Variants in B3GNT3 observed in about 807,000 individuals in gnomAD.
B3GNT3 encodes the protein UDP-GlcNAc:betaGal beta-1,3-N-acetylglucosaminyltransferase 3.
Under a neutral mutation model 11.6 loss-of-function variants are expected in B3GNT3, and 7 were observed. The observed-to-expected ratio is 0.60, with a 90% CI of 0.34 to 1.13. The LOEUF (loss-of-function observed/expected upper bound fraction) is 1.13, where lower values mean the gene tolerates loss of function less well. B3GNT3 is among the 50% of genes most tolerant of loss of function. The pLI, the probability that B3GNT3 is intolerant of heterozygous loss-of-function variation, is 0.03. For synonymous variants in B3GNT3, 201 were observed against 222.1 expected, an observed-to-expected ratio of 0.90 and a Z score of 0.85; for missense variants, 400 against 507.4, an observed-to-expected ratio of 0.79 and a Z score of 2.03.
Position 17,808,063 on chromosome 19 carries a change from T to C in B3GNT3, c.256T>C (p.Tyr86His), listed in dbSNP as rs752941316. The change falls in exon 2 of 3, where the codon TAC becomes CAC. Residue 86 changes from tyrosine to histidine, a missense_variant. Physicochemically the swap from Tyr to His is moderately conservative, Grantham distance 83. Transcript: ENST00000318683. ...GCAGCACGTTCAGAACTTCCTCCTG[T>C]ACAGACACTGCCGCCACTTTCCCCT... ...QPQHVQNFLL[Y>H]RHCRHFPLLQ... The C allele has an allele frequency of 3.7e-6, 6 of 1,612,132 alleles. No homozygotes were observed. In the Admixed American group the frequency reaches 5.0e-5, roughly 13 times the overall value.
chr19:17,811,432 C>A lies in B3GNT3; in HGVS notation c.568-139C>A. 1 of 842,788 alleles carries A rather than the reference C, an allele frequency of 1.2e-6. No individual in the cohort carries two copies. The highest frequency in any genetic ancestry group is 1.8e-6 in the Non-Finnish European group (1 of 559,566). The allele number at this position is 842,788 out of a possible 1,614,324, so 52.2% of individuals were successfully genotyped here. A position where few individuals can be genotyped will look rare whatever the true frequency, so the allele number is the denominator to read the frequency against. On this transcript the variant is annotated intron_variant, in intron 2 of 2. Transcript: ENST00000318683. This position sits in a 1 kb window ranked among gnomAD's most constrained non-coding sequence, Gnocchi z 4.1. ...GCACAGAGAGGGTTTCCCAAGTAAC[C>A]CCACAGGGCAGGGCCTTAACCCAGG...
Position 17,813,423 on chromosome 19 carries a change from C to T in B3GNT3, c.*1301C>T, listed in dbSNP as rs1018793666. Reference sequence around the variant, plus strand: ...ACCATGATTGCGCCACTGTACTCCACTGGGCGGCAATAAGAAGACAAAAAC... The same window carrying T: ...ACCATGATTGCGCCACTGTACTCCATTGGGCGGCAATAAGAAGACAAAAAC... On this transcript the variant is annotated 3_prime_UTR_variant, in exon 3 of 3. Transcript: ENST00000318683. Among the ~76,000 whole-genome samples the T allele has an allele frequency of 2.1e-4, 32 of 152,078 alleles. No homozygotes were observed. Among genetic ancestry groups the T allele is most frequent in the Non-Finnish European group, 4.0e-4 (27 of 68,032 alleles).
chr19:17,808,429 A>G, intron 2 of B3GNT3, 55 bp downstream of exon 2: 1 of 1,521,342 alleles, frequency 6.6e-7, no homozygotes, highest in Non-Finnish European at 8.9e-7. Context: ...TGTCCAAATT[A>G]CCACCCACTC....
rs962575026 is a variant in B3GNT3, at chr19:17,812,362, T to C, written c.*240T>C. Reference sequence around the variant, plus strand: ...ACTCCAGAAAATATCCATCTTCTTTTTGTGGCTGCTAATGGCAGAAGTGCC... The same window carrying C: ...ACTCCAGAAAATATCCATCTTCTTTCTGTGGCTGCTAATGGCAGAAGTGCC... On this transcript the variant is annotated 3_prime_UTR_variant, in exon 3 of 3. Coordinates refer to ENST00000318683, the MANE Select transcript of B3GNT3 (RefSeq NM_014256.4). 2 of 505,560 alleles carry C rather than the reference T, an allele frequency of 4.0e-6. No homozygotes were observed. Among genetic ancestry groups the C allele is most frequent in the Admixed American group, 3.7e-5 (1 of 27,002 alleles). 31.3% of individuals were successfully genotyped at this position (505,560 alleles called of 1,614,324 possible).
At chr19:17,809,595 T>C (rs2094178027) in intron 2 of B3GNT3, among the ~76,000 whole-genome samples, 1 of 151,750 alleles carries the variant, frequency 6.6e-6, no homozygotes, top group African/African-American at 2.4e-5. Context: ...TACAGGTGCA[T>C]GCCACTATGC....
In B3GNT3 at chr19:17,807,509, C is replaced by CAA. The variant is rs57567496; in HGVS notation, c.-50-238_-50-237dup. Among the ~76,000 whole-genome samples the CAA allele has an allele frequency of 5.7e-3, 725 of 126,344 alleles. 6 individuals are homozygous for CAA. Among genetic ancestry groups the CAA allele is most frequent in the African/African-American group, 0.02 (695 of 34,032 alleles). The allele number at this position is 126,344 out of a possible 152,430, so 82.9% of individuals were successfully genotyped here. On this transcript the variant is annotated intron_variant, in intron 1 of 2. Transcript: ENST00000318683. ...AGAGAGAGAGAGAGAGACGCTGTCTCAAAAAAAAAAAACAAAATTAAAAAA... is the reference window on the plus strand; with the variant it reads ...AGAGAGAGAGAGAGAGACGCTGTCTCAAAAAAAAAAAAAACAAAATTAAAAAA...
rs1476141891 is a variant in B3GNT3, at chr19:17,807,928, C to T, written c.121C>T (p.Pro41Ser). Residue 41 changes from proline to serine, a missense_variant, in exon 2 of 3, where the codon CCG becomes TCG. Pro to Ser is a moderately conservative substitution (Grantham distance 74). Transcript: ENST00000318683. The part of the protein sequence containing the change: ...PPTCKVQEQP[P>S]AIPEALAWPT... ...CACCTGCAAGGTCCAGGAGCAGCCA[C>T]CGGCGATCCCCGAGGCCCTGGCCTG... 1.2e-6 allele frequency: 2 copies of T among 1,613,448 alleles called. No individual in the cohort carries two copies. The highest frequency in any genetic ancestry group is 1.7e-6 in the Non-Finnish European group (2 of 1,179,934).
intron 1 of B3GNT3, among the ~76,000 whole-genome samples, chr19:17,800,204 G>T (rs1159715818): frequency 6.6e-6 from 1 of 152,058 alleles, no homozygotes; most frequent in African/African-American, 2.4e-5. Flanking sequence ...CTGAAACCCC[G>T]TCTTTACTAA....
rs778541899 is a variant in B3GNT3, at chr19:17,811,725, A to G, written c.722A>G (p.Asn241Ser). Residue 241 changes from asparagine (N) to serine (S), a missense_variant, in exon 3 of 3, where the codon AAC becomes AGC. Asn to Ser is a conservative substitution (Grantham distance 46). Transcript: ENST00000318683. The surrounding 1 kb of genome is among the most constrained non-coding windows in gnomAD (Gnocchi z 4.1). ...RHLFVGQLIQ[N>S]VGPIRAFWSK... is the part of the protein sequence containing the mutation. ...CTCTTCGTGGGGCAACTGATCCAAA[A>G]CGTGGGCCCCATCCGGGCTTTTTGG... 1 of 1,614,136 alleles carries G rather than the reference A, an allele frequency of 6.2e-7. No individual in the cohort carries two copies. The highest frequency in any genetic ancestry group is 8.5e-7 in the Non-Finnish European group (1 of 1,180,020).
In B3GNT3 at chr19:17,808,354, T is replaced by C; in HGVS notation, c.547T>C (p.Phe183Leu). 6.2e-7 allele frequency: 1 copy of C among 1,608,154 alleles called. No individual in the cohort carries two copies. Among genetic ancestry groups the C allele is most frequent in the East Asian group, 2.2e-5 (1 of 44,710 alleles). Residue 183 changes from phenylalanine (F) to leucine (L), a missense_variant, in exon 2 of 3, where the codon TTC (phenylalanine) becomes CTC (leucine). Phe to Leu is a conservative substitution (Grantham distance 22). Transcript: ENST00000318683. ...ILQWDFHDSF[F>L]NLTLKQVLFL... is the part of the protein sequence containing the mutation. Reference sequence around the variant, plus strand: ...GCAGTGGGACTTCCACGACTCCTTCTTCAACCTCACGCTCAAGCAGGTGCG... The same window carrying C: ...GCAGTGGGACTTCCACGACTCCTTCCTCAACCTCACGCTCAAGCAGGTGCG...
In B3GNT3 at chr19:17,811,637, G is replaced by A. The variant is rs2094180856; in HGVS notation, c.634G>A (p.Asp212Asn). ...CAGCTTCGTGCTCAACGGGGATGAT[G>A]ACGTCTTTGCACACACAGACAACAT... is the stretch of plus-strand genomic sequence containing the variant. ...NASFVLNGDD[D>N]VFAHTDNMVF... is the part of the protein sequence containing the mutation. Residue 212 changes from aspartate to asparagine, a missense_variant, in exon 3 of 3, where the codon GAC (aspartate) becomes AAC (asparagine). By Grantham distance (23) the Asp-to-Asn change is conservative. Transcript: ENST00000318683. This position sits in a 1 kb window ranked among gnomAD's most constrained non-coding sequence, Gnocchi z 4.1. 6.2e-7 allele frequency: 1 copy of A among 1,614,230 alleles called. No individual in the cohort carries two copies. Among genetic ancestry groups the A allele is most frequent in the Non-Finnish European group, 8.5e-7 (1 of 1,180,036 alleles).
chr19:17,806,399 C>T (rs2094173020), intron 1 of B3GNT3, among the ~76,000 whole-genome samples: 1 of 152,138 alleles, frequency 6.6e-6, no homozygotes, highest in African/African-American at 2.4e-5. Flanking sequence ...ATCTAGCATA[C>T]AGTAGGTGCT....
At chr19:17,796,908 C>T (rs1032196761) in intron 1 of B3GNT3, among the ~76,000 whole-genome samples, 2 of 152,158 alleles carry the variant, frequency 1.3e-5, no homozygotes, top group Non-Finnish European at 2.9e-5. Flanking sequence ...CTCCCCCAAC[C>T]CCATGAGCCA....
chr19:17,808,230 G>T lies in B3GNT3; in HGVS notation c.423G>T (p.Leu141=), dbSNP rs1007824385. The part of the protein sequence containing the change: ...GRERKVRGLQ[L]RLLFLVGTAS... The stretch of plus-strand genomic sequence containing the variant: ...AGCGCAAGGTACGGGGTTTGCAGCT[G>T]CGCCTCCTCTTCCTGGTGGGCACAG... Residue 141 remains leucine (L), a synonymous_variant, in exon 2 of 3, where the codon CTG becomes CTT. Coordinates refer to ENST00000318683, the MANE Select transcript of B3GNT3 (RefSeq NM_014256.4). 13 of 1,613,350 alleles carry T rather than the reference G, an allele frequency of 8.1e-6. No homozygotes were observed. The highest frequency in any genetic ancestry group is 1.1e-5 in the Non-Finnish European group (13 of 1,179,762).
At chr19:17,797,004 G>A (rs138302610) in intron 1 of B3GNT3, among the ~76,000 whole-genome samples, 75 of 152,204 alleles carry the variant, frequency 4.9e-4, no homozygotes, top group African/African-American at 1.5e-3. Flanking sequence ...CACTACCAAC[G>A]TGGCAAACTA....
chr19:17,795,603 G>C (rs980829638), intron 1 of B3GNT3, among the ~76,000 whole-genome samples: 1 of 152,204 alleles, frequency 6.6e-6, no homozygotes, highest in African/African-American at 2.4e-5. Context: ...GGGGTCCCCG[G>C]TTGGGTTTGG....
chr19:17,806,308 G>A (rs950791840), intron 1 of B3GNT3, among the ~76,000 whole-genome samples: 1 of 151,922 alleles, frequency 6.6e-6, no homozygotes, highest in Non-Finnish European at 1.5e-5. Flanking sequence ...GTAGAGACGG[G>A]GTTTCACCAT....
Position 17,811,999 on chromosome 19 carries a change from T to G in B3GNT3, c.996T>G (p.Phe332Leu), listed in dbSNP as rs750971634. 1 of 1,602,012 alleles carries G rather than the reference T, an allele frequency of 6.2e-7. No homozygotes were observed. Residue 332 changes from phenylalanine (F) to leucine (L), a missense_variant, in exon 3 of 3, where the codon TTT becomes TTG. By Grantham distance (22) the Phe-to-Leu change is conservative. Transcript: ENST00000318683. The surrounding 1 kb of genome is among the most constrained non-coding windows in gnomAD (Gnocchi z 4.1). ...CTCCATCGCAACGCCTGTCCTCCTT[T>G]GACCCCTGCTTCTACCGAGACCTGC... ...VRAPSQRLSS[F>L]DPCFYRDLLL...
chr19:17,807,464 C>A (rs2094174520), intron 1 of B3GNT3, among the ~76,000 whole-genome samples: 1 of 149,986 alleles, frequency 6.7e-6, no homozygotes, highest in Non-Finnish European at 1.5e-5. Context: ...TGCACTCCAG[C>A]CTGGGCAACA....
Sources: allele counts gnomAD v4.1 joint callset (sites outside exome capture counted in the v4.1 genomes callset), GRCh38; gene constraint gnomAD v4.1.1; non-coding constraint Gnocchi (gnomAD v3.1); transcripts MANE v1.5; gene names NCBI Gene and HGNC (gene_info 2026-07-23, HGNC 2026-07-21).